The following RXRA variants were observed in gnomAD, a reference collection of about 807,000 sequenced individuals.
RXRA encodes the protein retinoid X receptor alpha, also known as retinoic acid receptor RXR-alpha.
Under a neutral mutation model 44.5 loss-of-function variants are expected in RXRA, and 5 were observed. The ratio of observed to expected loss-of-function variants is 0.11; its 90% confidence interval spans 0.06 to 0.24. The LOEUF (loss-of-function observed/expected upper bound fraction) is 0.24. RXRA is among the 10% of genes least tolerant of loss of function. The pLI, the probability that RXRA is intolerant of heterozygous loss-of-function variation, is 1.00. For missense variants in RXRA, 412 were observed against 646.5 expected (o/e 0.64, Z 3.93); for synonymous variants, 291 against 271.4 (o/e 1.07, Z -0.71).
At chr9:134,428,283 C>T (rs1588307481) in intron 6 of RXRA, among the ~76,000 whole-genome samples, 1 of 146,676 alleles carries the variant, frequency 6.8e-6, no homozygotes, top group South Asian at 2.2e-4. Flanking sequence ...AGGGAACCCC[C>T]ACTATGTTGA....
chr9:134,408,797 C>T, intron 3 of RXRA, 143 bp from the exon 4 acceptor site: 7 of 762,152 alleles, frequency 9.2e-6, no homozygotes, highest in Non-Finnish European at 1.2e-5. Flanking sequence ...GGGGCCCAGT[C>T]TGAGCCCAGG....
At chr9:134,394,704 A>G (rs947405305) in intron 1 of RXRA, among the ~76,000 whole-genome samples, 37 of 152,254 alleles carry the variant, frequency 2.4e-4, no homozygotes, top group African/African-American at 8.9e-4. Context: ...TGGTCCCCTC[A>G]TCTTGACATC....
chr9:134,334,909 C>T (rs1216030339), intron 1 of RXRA, among the ~76,000 whole-genome samples: 1 of 152,164 alleles, frequency 6.6e-6, no homozygotes, highest in East Asian at 1.9e-4. Context: ...TGTGGTGAAG[C>T]GCTTTCGGGA....
At chr9:134,372,481 A>G (rs968743098) in intron 1 of RXRA, among the ~76,000 whole-genome samples, 1 of 151,970 alleles carries the variant, frequency 6.6e-6, no homozygotes, top group Non-Finnish European at 1.5e-5. Context: ...CAGTGGTTGG[A>G]CCCATTGCAG....
At chr9:134,394,114 G>GTGGTGTTGATGTTGA (rs1830839167) in intron 1 of RXRA, among the ~76,000 whole-genome samples, 1 of 606 alleles carries the variant, frequency 1.7e-3, no homozygotes, top group Non-Finnish European at 5.6e-3. Flanking sequence ...GACGGTGGTG[G>GTGGTGTTGATGTTGA]TGGTGGTGAT....
chr9:134,355,202 C>T (rs972901080), intron 1 of RXRA, among the ~76,000 whole-genome samples: 2 of 152,158 alleles, frequency 1.3e-5, no homozygotes, highest in Non-Finnish European at 2.9e-5. Flanking sequence ...AAATGCAGGC[C>T]CAGTTGTCAG....
At chr9:134,416,374 A>G (rs34048354) in intron 4 of RXRA, among the ~76,000 whole-genome samples, 37 of 152,308 alleles carry the variant, frequency 2.4e-4, no homozygotes, top group African/African-American at 8.4e-4. Context: ...TGCCTGGTGC[A>G]GATCCTGCTG....
At position 134,426,970 on chromosome 9, in the gene RXRA, C is replaced by G; in HGVS notation, c.911-2138C>G. ...GATGTCAGACCCAGTGCCTCTCAGC[C>G]TGGGAAAACCTGACGGGCTGAGCCG... is the stretch of plus-strand genomic sequence containing the variant. On this transcript the variant is annotated intron_variant, in intron 6 of 9. Transcript: ENST00000481739. This position sits in a 1 kb window ranked among gnomAD's most constrained non-coding sequence, Gnocchi z 4.6. The G allele has an allele frequency of 1.0e-6, 1 of 985,270 alleles. No homozygotes were observed. The highest frequency in any genetic ancestry group is 1.2e-6 in the Non-Finnish European group (1 of 829,886). The allele number at this position is 985,270 out of a possible 1,614,324, so 61.0% of individuals were successfully genotyped here. A position where few individuals can be genotyped will look rare whatever the true frequency, so the allele number is the denominator to read the frequency against.
At chr9:134,339,647 CTGTG>C (rs782418758) in intron 1 of RXRA, among the ~76,000 whole-genome samples, 6 of 121,580 alleles carry the variant, frequency 4.9e-5, no homozygotes, top group African/African-American at 1.6e-4. Context: ...GTGCGTGTGT[CTGTG>C]TGTGTGCCTG....
chr9:134,349,979 C>T lies in RXRA; in HGVS notation c.28+23320C>T, dbSNP rs1554749273. On this transcript the variant is annotated intron_variant, in intron 1 of 9. Coordinates refer to ENST00000481739, the MANE Select transcript of RXRA (RefSeq NM_002957.6). This position sits in a 1 kb window ranked among gnomAD's most constrained non-coding sequence, Gnocchi z 4.3. Reference sequence around the variant, plus strand: ...TCCCCAGGCACTGCTGGGACCCCTTCCCCAAGCCCAGGACCCCTGATTCAT... The same window carrying T: ...TCCCCAGGCACTGCTGGGACCCCTTTCCCAAGCCCAGGACCCCTGATTCAT... Among the ~76,000 whole-genome samples, 1 of 152,064 alleles carries T rather than the reference C, an allele frequency of 6.6e-6. No homozygotes were observed. The highest frequency in any genetic ancestry group is 1.5e-5 in the Non-Finnish European group (1 of 67,992).
At chr9:134,329,531 AC>A (rs1834970781) in intron 1 of RXRA, among the ~76,000 whole-genome samples, 1 of 152,048 alleles carries the variant, frequency 6.6e-6, no homozygotes, top group African/African-American at 2.4e-5. Context: ...TGCAGCTGTG[AC>A]CCTCTGCCCA....
In RXRA at chr9:134,434,180, A is replaced by G. The variant is rs778229173; in HGVS notation, c.1214A>G (p.Lys405Arg). Residue 405 changes from lysine to arginine, a missense_variant, in exon 9 of 10, where the codon AAG becomes AGG. This residue lies in a region of RXRA where 141 missense variants were observed against 270.8 expected (regional missense o/e 0.52). Transcript: ENST00000481739. ...TATGCGTCCTTGGAGGCCTACTGCA[A>G]GCACAAGTACCCAGAGCAGCCGGGA... ...KVYASLEAYCKHKYPEQPGRF... is the reference protein window; with the variant it reads ...KVYASLEAYCRHKYPEQPGRF... The G allele has an allele frequency of 2.3e-5, 37 of 1,613,486 alleles. No homozygotes were observed. Among genetic ancestry groups the G allele is most frequent in the Non-Finnish European group, 3.1e-5 (36 of 1,179,804 alleles).
intron 6 of RXRA, 70 bp from the exon 7 acceptor site, chr9:134,429,038 C>T (rs1037522564): frequency 3.0e-5 from 48 of 1,587,920 alleles, no homozygotes; most frequent in Non-Finnish European, 4.0e-5. Context: ...AGGGTCCCAC[C>T]AGGGGCTGGG....
chr9:134,422,181 G>A, intron 6 of RXRA: 1 of 1,278,784 alleles, frequency 7.8e-7, no homozygotes, highest in South Asian at 1.2e-5. Flanking sequence ...CCCCTCCTGG[G>A]ACACACTTCC....
chr9:134,355,918 G>T (rs527360128), intron 1 of RXRA, among the ~76,000 whole-genome samples: 1 of 152,090 alleles, frequency 6.6e-6, no homozygotes, highest in East Asian at 1.9e-4. Context: ...CAGGGTCTGC[G>T]CCCAGGTGTC....
chr9:134,413,822 C>G (rs955104053), intron 4 of RXRA, among the ~76,000 whole-genome samples: 1 of 152,156 alleles, frequency 6.6e-6, no homozygotes, highest in Non-Finnish European at 1.5e-5. Flanking sequence ...CTCTGGGGGC[C>G]TGGGACCCCA....
intron 1 of RXRA, chr9:134,380,258 C>A: frequency 2.2e-6 from 2 of 927,426 alleles, no homozygotes; most frequent in Non-Finnish European, 2.6e-6. Context: ...GTGGGGGTGG[C>A]CGGGGCACTG....
At chr9:134,327,704 A>G (rs577431460) in intron 1 of RXRA, among the ~76,000 whole-genome samples, 43 of 152,190 alleles carry the variant, frequency 2.8e-4, no homozygotes, top group African/African-American at 9.6e-4. Context: ...TCAGAAGCCA[A>G]TGTAGCTGCA....
At chr9:134,377,241 G>A (rs751092837) in intron 1 of RXRA, among the ~76,000 whole-genome samples, 5 of 152,318 alleles carry the variant, frequency 3.3e-5, no homozygotes, top group African/African-American at 4.8e-5. Flanking sequence ...ACTGATCTCC[G>A]CCAGCCCCAG....
Sources: gnomAD v4.1 joint callset for allele counts (sites outside exome capture counted in the v4.1 genomes callset) on GRCh38, gnomAD v4.1.1 for gene constraint, gnomAD v4.1.1 regional missense constraint, Gnocchi (gnomAD v3.1) non-coding constraint, MANE v1.5 for transcripts, NCBI Gene and HGNC (gene_info 2026-07-23, HGNC 2026-07-21) for gene names.